DNAJC1: variants seen among roughly 807,000 people sequenced by gnomAD.
The protein encoded by DNAJC1 is DnaJ heat shock protein family (Hsp40) member C1, also known as dnaJ homolog subfamily C member 1.
A neutral mutation model predicts 76.6 loss-of-function variants in DNAJC1; 58 were observed. The observed-to-expected ratio is 0.76, with a 90% CI of 0.61 to 0.94. The LOEUF (loss-of-function observed/expected upper bound fraction) is 0.94, where lower values mean the gene tolerates loss of function less well. Ranked by LOEUF, DNAJC1 falls within the 40% of genes least tolerant of loss-of-function variation. DNAJC1 has a pLI of 0.00. For synonymous variants in DNAJC1, 258 were observed against 267.9 expected, an observed-to-expected ratio of 0.96 and a Z score of 0.36; for missense variants, 689 against 677.3, an observed-to-expected ratio of 1.02 and a Z score of -0.19.
chr10:21,774,365 T>C (rs560754928), intron 9 of DNAJC1, among the ~76,000 whole-genome samples: 3 of 152,188 alleles, frequency 2.0e-5, no homozygotes, highest in African/African-American at 7.2e-5. Context: ...AAGTCACAAA[T>C]ACACGTGACC....
At position 21,913,591 on chromosome 10, in the gene DNAJC1, C is replaced by T. The variant is rs187924817; in HGVS notation, c.729+5188G>A. Among the ~76,000 whole-genome samples, 337 of 152,208 alleles carry T rather than the reference C, an allele frequency of 2.2e-3. 3 individuals are homozygous for T. The highest frequency in any genetic ancestry group is 7.6e-3 in the African/African-American group (317 of 41,518). ...TATGTCACCAACTACTTGCTATTTT[C>T]CAGGTTACAGAACATATAATCAATT... On this transcript the variant is annotated intron_variant, in intron 6 of 11. Transcript: ENST00000376980.
intron 8 of DNAJC1, among the ~76,000 whole-genome samples, chr10:21,824,698 C>T (rs1054671541): frequency 2.0e-5 from 3 of 152,112 alleles, no homozygotes; most frequent in Non-Finnish European, 4.4e-5. Flanking sequence ...CACAAACCTG[C>T]CCTTATTCTT....
At chr10:21,992,372 G>A (rs1466369394) in intron 1 of DNAJC1, among the ~76,000 whole-genome samples, 1 of 151,894 alleles carries the variant, frequency 6.6e-6, no homozygotes, top group Non-Finnish European at 1.5e-5. Context: ...TAGTATATTG[G>A]GTTAAATAAA....
chr10:21,872,811 A>C (rs77219229), intron 8 of DNAJC1, among the ~76,000 whole-genome samples: 3,622 of 152,268 alleles, frequency 0.024, 80 homozygotes, highest in African/African-American at 0.05. Flanking sequence ...AAGCTCAATG[A>C]ACTCCAAGCA....
chr10:21,868,693 AGG>A (rs773959010), intron 8 of DNAJC1, among the ~76,000 whole-genome samples: 7 of 152,160 alleles, frequency 4.6e-5, no homozygotes, highest in Admixed American at 1.3e-4. Context: ...GAGGGTGAGT[AGG>A]GGATAGGTAT....
chr10:21,883,227 G>A (rs979290429), intron 7 of DNAJC1, among the ~76,000 whole-genome samples: 1 of 149,524 alleles, frequency 6.7e-6, no homozygotes, highest in Admixed American at 6.7e-5. Flanking sequence ...TCCAGCCTGG[G>A]TGACAGAGTG....
rs567292471 is a variant in DNAJC1, at chr10:21,983,829, A to T, written c.222+19384T>A. Among the ~76,000 whole-genome samples the T allele has an allele frequency of 9.8e-5, 15 of 152,304 alleles. No homozygotes were observed. The South Asian group carries it at 3.1e-3, about 32-fold the overall frequency. ...GCAGAGTTTCTGTTTGGGATGACGG[A>T]AAAGTATTAGAAATGAATAATGAAG... On this transcript the variant is annotated intron_variant, in intron 1 of 11. Coordinates refer to ENST00000376980, the MANE Select transcript of DNAJC1 (RefSeq NM_022365.4).
At chr10:21,969,973 T>C (rs2131827357) in intron 1 of DNAJC1, among the ~76,000 whole-genome samples, 1 of 151,702 alleles carries the variant, frequency 6.6e-6, no homozygotes, top group African/African-American at 2.4e-5. Context: ...TTCCAATTTA[T>C]TCAGTTCCTG....
intron 6 of DNAJC1, among the ~76,000 whole-genome samples, chr10:21,915,913 T>TG: frequency 6.9e-6 from 1 of 145,102 alleles, no homozygotes; most frequent in African/African-American, 2.6e-5. Context: ...AAGGCTGAGG[T>TG]GGGGGGATCA....
chr10:21,916,869 A>T (rs903338284), intron 6 of DNAJC1, among the ~76,000 whole-genome samples: 7 of 152,180 alleles, frequency 4.6e-5, no homozygotes, highest in Non-Finnish European at 1.0e-4. Flanking sequence ...CTACTGCATT[A>T]CATTATTTTG....
At chr10:21,913,908 C>A (rs895840554) in intron 6 of DNAJC1, among the ~76,000 whole-genome samples, 1 of 152,202 alleles carries the variant, frequency 6.6e-6, no homozygotes, top group Non-Finnish European at 1.5e-5. Flanking sequence ...GATCACTCTA[C>A]TTGCTTTGTT....
chr10:21,934,788 G>A (rs1264458390), intron 1 of DNAJC1, among the ~76,000 whole-genome samples: 1 of 152,074 alleles, frequency 6.6e-6, no homozygotes, highest in Non-Finnish European at 1.5e-5. Flanking sequence ...ATTGCCAAGT[G>A]ATGCATTTCT....
chr10:21,901,114 A>C (rs1836645454), intron 7 of DNAJC1, among the ~76,000 whole-genome samples: 1 of 152,220 alleles, frequency 6.6e-6, no homozygotes, highest in African/African-American at 2.4e-5. Context: ...TGCAACAAGG[A>C]CCACAAAACA....
chr10:21,880,004 C>T (rs1836247942), intron 8 of DNAJC1, among the ~76,000 whole-genome samples: 1 of 152,230 alleles, frequency 6.6e-6, no homozygotes, highest in African/African-American at 2.4e-5. Context: ...GTTCCTTTAT[C>T]AGTGAAGCTT....
intron 8 of DNAJC1, among the ~76,000 whole-genome samples, chr10:21,826,233 T>G (rs1329967054): frequency 9.1e-5 from 1 of 10,962 alleles, no homozygotes; most frequent in Non-Finnish European, 1.5e-4. Flanking sequence ...AATGAGACTT[T>G]GTCCAAAAAA....
chr10:21,825,498 A>C (rs806774), intron 8 of DNAJC1, among the ~76,000 whole-genome samples: 1 of 152,202 alleles, frequency 6.6e-6, no homozygotes, highest in East Asian at 1.9e-4. Flanking sequence ...CATGGCTGTA[A>C]GTGTTATTTG....
rs1838232040 is a variant in DNAJC1 at position 21,985,569 on chromosome 10, T to C, written c.222+17644A>G. ...CAGCCACCTGCTTTCCATCTCTATA[T>C]ATTATTTGCCTTTTCTGGACAGTTC... On this transcript the variant is annotated intron_variant, in intron 1 of 11. Coordinates refer to ENST00000376980, the MANE Select transcript of DNAJC1 (RefSeq NM_022365.4). 2.0e-5 allele frequency among the ~76,000 whole-genome samples: 3 copies of C among 152,308 alleles called. No individual in the cohort carries two copies. The South Asian group carries it at 6.2e-4, about 32-fold the overall frequency.
At chr10:21,906,264 T>C (rs951279374) in intron 6 of DNAJC1, among the ~76,000 whole-genome samples, 1 of 152,146 alleles carries the variant, frequency 6.6e-6, no homozygotes, top group East Asian at 1.9e-4. Context: ...CAGATGGCCA[T>C]GCAACCAACT....
chr10:21,993,390 T>C (rs964089939), intron 1 of DNAJC1, among the ~76,000 whole-genome samples: 3 of 152,170 alleles, frequency 2.0e-5, no homozygotes, highest in African/African-American at 7.2e-5. Flanking sequence ...TTAAGGCTGC[T>C]CAAGGCAGGG....
Sources: allele counts gnomAD v4.1 joint callset (sites outside exome capture counted in the v4.1 genomes callset), GRCh38; gene constraint gnomAD v4.1.1; transcripts MANE v1.5; gene names NCBI Gene and HGNC (gene_info 2026-07-23, HGNC 2026-07-21).